CCNH: variants seen among roughly 807,000 people sequenced by gnomAD.
The protein encoded by CCNH is cyclin-H.
In CCNH, 31 loss-of-function variants were observed where a neutral mutation model predicts 41.9. The ratio of observed to expected loss-of-function variants is 0.74; its 90% confidence interval spans 0.56 to 1.00. The LOEUF (loss-of-function observed/expected upper bound fraction) is 1.00. Among genes scored for constraint, CCNH ranks in the 50% least tolerant of loss-of-function variants. CCNH has a pLI of 0.00. For synonymous variants in CCNH, 138 were observed against 136.1 expected, an observed-to-expected ratio of 1.01 and a Z score of -0.10; for missense variants, 362 against 388.4, an observed-to-expected ratio of 0.93 and a Z score of 0.57.
chr5:87,338,517 A>C (rs1251397203), intron 9 of CCNH, among the ~76,000 whole-genome samples: 1 of 99,302 alleles, frequency 1.0e-5, no homozygotes, highest in African/African-American at 3.8e-5. Flanking sequence ...ATATATATAT[A>C]TATATATATA....
At chr5:87,360,886 TC>T (rs1340495005) in intron 9 of CCNH, among the ~76,000 whole-genome samples, 1 of 152,234 alleles carries the variant, frequency 6.6e-6, no homozygotes, top group Non-Finnish European at 1.5e-5. Context: ...TCAGTTTTTT[TC>T]TCTTTATCAT....
Position 87,399,375 on chromosome 5 carries a change from C to T in CCNH, c.872+19G>A, listed in dbSNP as rs2112556360. On this transcript the variant is annotated intron_variant, in intron 7 of 8. Transcript: ENST00000256897. ...GATAACAGTTATGTCTATTGATTAA[C>T]ACTGTCACATTAACTTACGTGATTA... The T allele has an allele frequency of 3.3e-6, 5 of 1,534,636 alleles. 1 individual carries two copies. The highest frequency in any genetic ancestry group is 1.7e-4 in the Middle Eastern group (1 of 5,894).
At chr5:87,362,310 T>A (rs1760166339) in intron 9 of CCNH, among the ~76,000 whole-genome samples, 1 of 152,192 alleles carries the variant, frequency 6.6e-6, no homozygotes, top group Non-Finnish European at 1.5e-5. Context: ...AACAGACAAC[T>A]TATTAGTTGT....
At chr5:87,335,675 C>T (rs1336985768) in intron 9 of CCNH, among the ~76,000 whole-genome samples, 1 of 152,098 alleles carries the variant, frequency 6.6e-6, no homozygotes, top group African/African-American at 2.4e-5. Flanking sequence ...ATCTGCCCGC[C>T]TTGGCCTCCC....
At chr5:87,372,899 C>G (rs918948468), downstream of CCNH, among the ~76,000 whole-genome samples, 1 of 152,110 alleles carries the variant, frequency 6.6e-6, no homozygotes, top group African/African-American at 2.4e-5. Flanking sequence ...TACTGTTCTA[C>G]TGGGAGTGGA....
chr5:87,332,479 T>TAG lies in CCNH; in HGVS notation c.*91-13583_*91-13582insCT, dbSNP rs1350334624. ...TTAAAATTGGCTGTAAAGATTTTTTTATACTGTATTTTTTCCTGTTCAAAT... is the reference window on the plus strand; with the variant it reads ...TTAAAATTGGCTGTAAAGATTTTTTTAGATACTGTATTTTTTCCTGTTCAAAT... On this transcript the variant is annotated intron_variant and NMD_transcript_variant, in intron 9 of 9. Transcript: ENST00000645953. 2.5e-6 allele frequency: 4 copies of TAG among 1,584,592 alleles called. No homozygotes were observed. In the Admixed American group the frequency reaches 5.1e-5, roughly 20 times the overall value.
At chr5:87,320,386 A>G (rs1756697293) in intron 9 of CCNH, among the ~76,000 whole-genome samples, 1 of 152,210 alleles carries the variant, frequency 6.6e-6, no homozygotes, top group African/African-American at 2.4e-5. Flanking sequence ...ATACTGCTAC[A>G]AAGAACTACC....
At chr5:87,311,946 A>G in the CCNH span, among the ~76,000 whole-genome samples, 1 of 152,234 alleles carries the variant, frequency 6.6e-6, no homozygotes, top group African/African-American at 2.4e-5. Context: ...GGAATATCCA[A>G]GGTGTGGACA....
intron 4 of CCNH, among the ~76,000 whole-genome samples, chr5:87,407,125 G>A (rs1049927191): frequency 6.6e-6 from 1 of 152,130 alleles, no homozygotes; most frequent in Non-Finnish European, 1.5e-5. Context: ...GGAAGTCTCT[G>A]ATTGGAATGT....
In CCNH at chr5:87,404,877, G is replaced by C. The variant is rs756773005; in HGVS notation, c.656C>G (p.Ser219Cys). ...AGTAATTCCAGCCCTGGAGGCACTA[G>C]ATAAAATGGCAGTCAGGGCAATTTG... ...PSQIALTAILSSASRAGITME... is the reference protein window; with the variant it reads ...PSQIALTAILCSASRAGITME... Residue 219 changes from serine (S) to cysteine (C), a missense_variant, in exon 5 of 9, where the codon TCT (serine) becomes TGT (cysteine). By Grantham distance (112) the Ser-to-Cys change is moderately radical. Coordinates refer to ENST00000256897, the MANE Select transcript of CCNH (RefSeq NM_001239.4). The C allele has an allele frequency of 1.2e-6, 2 of 1,613,412 alleles. No homozygotes were observed. Among genetic ancestry groups the C allele is most frequent in the South Asian group, 1.1e-5 (1 of 91,062 alleles).
chr5:87,374,147 AT>A (rs377722838), downstream of CCNH: 99,086 of 707,064 alleles, frequency 0.14, 269 homozygotes, highest in East Asian at 0.19. Flanking sequence ...ATATATATAT[AT>A]TTTTTTTTTT....
At chr5:87,402,542 T>C (rs1379050349) in intron 5 of CCNH, among the ~76,000 whole-genome samples, 1 of 152,198 alleles carries the variant, frequency 6.6e-6, no homozygotes, top group Non-Finnish European at 1.5e-5. Flanking sequence ...AAAAAACTTA[T>C]TTTTCTCTTG....
At chr5:87,335,114 T>C (rs932176870) in intron 9 of CCNH, among the ~76,000 whole-genome samples, 6 of 152,164 alleles carry the variant, frequency 3.9e-5, no homozygotes, top group Admixed American at 3.9e-4. Flanking sequence ...ACTCTTGACC[T>C]CAAGTGATCT....
chr5:87,401,530 CCTT>C (rs1309339294), intron 6 of CCNH, among the ~76,000 whole-genome samples, 169 bp downstream of exon 6: 1 of 152,102 alleles, frequency 6.6e-6, no homozygotes, highest in Non-Finnish European at 1.5e-5. Flanking sequence ...CTTCTATATA[CCTT>C]CTATTTGTTC....
intron 9 of CCNH, among the ~76,000 whole-genome samples, chr5:87,321,390 G>T (rs1355074115): frequency 6.6e-6 from 1 of 152,152 alleles, no homozygotes; most frequent in Admixed American, 6.5e-5. Flanking sequence ...TAGAGATAGT[G>T]TCAGATTCCC....
At chr5:87,411,108 C>A in intron 2 of CCNH, 116 bp downstream of exon 2, 1 of 1,054,096 alleles carries the variant, frequency 9.5e-7, no homozygotes, top group South Asian at 2.2e-5. Flanking sequence ...GTGCCAAAAA[C>A]TAATTAATTG....
chr5:87,365,642 T>A (rs1265180518), intron 9 of CCNH, among the ~76,000 whole-genome samples: 1 of 152,076 alleles, frequency 6.6e-6, no homozygotes, highest in Non-Finnish European at 1.5e-5. Context: ...TGTTAATTTT[T>A]CCCACCATAA....
upstream of CCNH, among the ~76,000 whole-genome samples, chr5:87,381,557 A>C (rs1761717834): frequency 6.6e-6 from 1 of 152,196 alleles, no homozygotes; most frequent in Admixed American, 6.6e-5. Context: ...CCTCCAACCT[A>C]AATTTTGTCA....
chr5:87,333,502 A>G (rs897765080), intron 9 of CCNH, among the ~76,000 whole-genome samples: 1 of 152,156 alleles, frequency 6.6e-6, no homozygotes, highest in African/African-American at 2.4e-5. Context: ...GGGTTGGCTT[A>G]TTTGTTCAGA....
Sources: gnomAD v4.1 joint callset for allele counts (sites outside exome capture counted in the v4.1 genomes callset) on GRCh38, gnomAD v4.1.1 for gene constraint, MANE v1.5 for transcripts, NCBI Gene and HGNC (gene_info 2026-07-23, HGNC 2026-07-21) for gene names.